MYH9: variants seen among roughly 807,000 people sequenced by gnomAD.
MYH9 encodes the protein myosin heavy chain 9.
A neutral mutation model predicts 241.9 loss-of-function variants in MYH9; 29 were observed. The ratio of observed to expected loss-of-function variants is 0.12; its 90% confidence interval spans 0.09 to 0.16. MYH9 has a LOEUF of 0.16. MYH9 is among the 10% of genes least tolerant of loss of function. The probability of loss-of-function intolerance (pLI) is 1.00; values close to 1 mark genes in which losing one functional copy is unlikely to be tolerated. For synonymous variants in MYH9, 1,047 were observed against 1,062.6 expected (o/e 0.99, Z 0.29); for missense variants, 1,803 against 2,595.5 (o/e 0.69, Z 6.63).
At chr22:36,380,754 GAAAA>G (rs2018245265) in intron 1 of MYH9, among the ~76,000 whole-genome samples, 1 of 151,806 alleles carries the variant, frequency 6.6e-6, no homozygotes, top group African/African-American at 2.4e-5. Context: ...AAAAAGAAAA[GAAAA>G]GAAAAGAAAA....
intron 5 of MYH9, among the ~76,000 whole-genome samples, chr22:36,323,198 G>A (rs1206118151): frequency 6.6e-6 from 1 of 152,176 alleles, no homozygotes; most frequent in Non-Finnish European, 1.5e-5. Context: ...CTTATCCCTG[G>A]ATCCCCACCA....
intron 10 of MYH9, among the ~76,000 whole-genome samples, chr22:36,319,236 G>T (rs1433301363): frequency 6.6e-6 from 1 of 152,158 alleles, no homozygotes; most frequent in Admixed American, 6.5e-5. Flanking sequence ...CACAGGCAAG[G>T]CTCCCATTAA....
At chr22:36,360,038 A>ACCACCACCACCACCACCC (rs2017913903) in intron 1 of MYH9, among the ~76,000 whole-genome samples, 1 of 132,956 alleles carries the variant, frequency 7.5e-6, no homozygotes, top group Non-Finnish European at 1.7e-5. Context: ...AAACACCACC[A>ACCACCACCACCACCACCC]CCACCACCAC....
chr22:36,364,155 A>G (rs965063249), intron 1 of MYH9, among the ~76,000 whole-genome samples: 7 of 152,226 alleles, frequency 4.6e-5, no homozygotes, highest in Non-Finnish European at 8.8e-5. Context: ...AAGGTTGCTC[A>G]GCCTAGAACC....
chr22:36,300,391 A>G lies in MYH9; in HGVS notation c.2839-127T>C. 2 of 1,393,176 alleles carry G rather than the reference A, an allele frequency of 1.4e-6. No homozygotes were observed. The highest frequency in any genetic ancestry group is 2.4e-5 in the South Asian group (2 of 84,820). 86.3% of individuals were successfully genotyped at this position (1,393,176 alleles called of 1,614,324 possible). The stretch of plus-strand genomic sequence containing the variant: ...TAGCAAGGTCTGTGAGCCCAGGGCC[A>G]TGGCTGAGGTGGGGACGGCAAGGTC... On this transcript the variant is annotated intron_variant, in intron 22 of 40. Transcript: ENST00000216181. This position sits in a 1 kb window ranked among gnomAD's most constrained non-coding sequence, Gnocchi z 5.0.
At chr22:36,325,372 C>T (rs533431915) in intron 5 of MYH9, among the ~76,000 whole-genome samples, 1 of 152,226 alleles carries the variant, frequency 6.6e-6, no homozygotes, top group African/African-American at 2.4e-5. Flanking sequence ...GACTCACACC[C>T]CTCCTTACTT....
chr22:36,369,515 A>G (rs976189386), intron 1 of MYH9, among the ~76,000 whole-genome samples: 9 of 152,200 alleles, frequency 5.9e-5, no homozygotes, highest in African/African-American at 2.2e-4. Flanking sequence ...GAGGGAGGAC[A>G]GCAAAAACCC....
chr22:36,384,728 T>C lies in MYH9; in HGVS notation c.-20+3079A>G, dbSNP rs571004439. Among the ~76,000 whole-genome samples the C allele has an allele frequency of 1.7e-3, 254 of 146,846 alleles. 1 individual carries two copies. Among genetic ancestry groups the C allele is most frequent in the Non-Finnish European group, 3.0e-3 (204 of 67,266 alleles). ...CATCTAACCCCACAGGGTAGGATCT[T>C]GATTCCCATATTATACATAAGCACA... On this transcript the variant is annotated intron_variant, in intron 1 of 40. Transcript: ENST00000216181.
Position 36,288,945 on chromosome 22 carries a change from C to A in MYH9, c.4558-6G>T. 6.2e-7 allele frequency: 1 copy of A among 1,613,748 alleles called. No homozygotes were observed. Among genetic ancestry groups the A allele is most frequent in the Non-Finnish European group, 8.5e-7 (1 of 1,180,034 alleles). ...GACTTCTCCAGCTCGTGGACCTGAG[C>A]CCCAGAGAGCCCAAGTCAGGAGCAA... On this transcript the variant is annotated splice_polypyrimidine_tract_variant and splice_region_variant and intron_variant, in intron 32 of 40. Coordinates refer to ENST00000216181, the MANE Select transcript of MYH9 (RefSeq NM_002473.6). This position sits in a 1 kb window ranked among gnomAD's most constrained non-coding sequence, Gnocchi z 4.8.
intron 1 of MYH9, among the ~76,000 whole-genome samples, chr22:36,354,956 AACAC>A (rs136203): frequency 0.022 from 2,742 of 123,666 alleles, 45 homozygotes; most frequent in African/African-American, 0.038. Flanking sequence ...CAAAAAACAA[AACAC>A]ACACACACAC....
intron 23 of MYH9, among the ~76,000 whole-genome samples, chr22:36,299,574 C>T (rs966462888): frequency 2.0e-5 from 3 of 152,172 alleles, no homozygotes; most frequent in Admixed American, 6.5e-5. Context: ...CCCGGGTGGG[C>T]GTCCTGCCAC....
chr22:36,341,895 G>A (rs573917282), intron 2 of MYH9, among the ~76,000 whole-genome samples: 1 of 152,236 alleles, frequency 6.6e-6, no homozygotes, highest in African/African-American at 2.4e-5. Context: ...TCGTGAGAGA[G>A]GCACAAACAG....
In MYH9 at chr22:36,293,915, T is replaced by C. The variant is rs1300189947; in HGVS notation, c.3838-52A>G. ...ACCATGGACCCACCCCCACTGCTCCTGCCCCACCTCATCTCCTTTAGGTAA... is the reference window on the plus strand; with the variant it reads ...ACCATGGACCCACCCCCACTGCTCCCGCCCCACCTCATCTCCTTTAGGTAA... On this transcript the variant is annotated intron_variant, in intron 28 of 40. Transcript: ENST00000216181. This position sits in a 1 kb window ranked among gnomAD's most constrained non-coding sequence, Gnocchi z 5.1. 6.5e-7 allele frequency: 1 copy of C among 1,537,914 alleles called. No homozygotes were observed. Among genetic ancestry groups the C allele is most frequent in the Non-Finnish European group, 8.9e-7 (1 of 1,121,528 alleles).
In MYH9 at chr22:36,292,144, C is replaced by T; in HGVS notation, c.4186G>A (p.Gly1396Ser). The change falls in exon 31 of 41, where the codon GGC becomes AGC. Residue 1396 changes from glycine to serine, a missense_variant. Transcript: ENST00000216181. ...TTCTCCTCGTGCCGCTGGCTCAGGC[C>T]CTCCAGGTCCTTCTGGAGCTTCCTC... ...VKRKLQKDLE[G>S]LSQRHEEKVA... The T allele has an allele frequency of 6.2e-7, 1 of 1,614,212 alleles. No individual in the cohort carries two copies. The highest frequency in any genetic ancestry group is 8.5e-7 in the Non-Finnish European group (1 of 1,180,048).
intron 18 of MYH9, 120 bp from the exon 19 acceptor site, chr22:36,304,275 C>A: frequency 9.2e-7 from 1 of 1,084,808 alleles, no homozygotes; most frequent in Non-Finnish European, 1.4e-6. Flanking sequence ...TGACGAGCAT[C>A]TGGAGAGCAG....
chr22:36,297,063 C>A, intron 24 of MYH9, 49 bp from the exon 25 acceptor site: 6 of 1,595,696 alleles, frequency 3.8e-6, no homozygotes, highest in Non-Finnish European at 5.1e-6. Flanking sequence ...TGGGTTCTGT[C>A]TCCGTGTCAA....
chr22:36,319,754 C>T, intron 9 of MYH9, 119 bp from the exon 10 acceptor site: 3 of 1,001,190 alleles, frequency 3.0e-6, no homozygotes, highest in Admixed American at 2.0e-5. Context: ...CACCCCCCAA[C>T]TCCCTGGGGC....
rs1019674212 is a variant in MYH9 at position 36,382,934 on chromosome 22, A to G, written c.-20+4873T>C. ...AGATACGGCACCTCCTCGGAAATCA[A>G]ACCTGGCCAGGTGCAGTATTTCACA... On this transcript the variant is annotated intron_variant, in intron 1 of 40. Transcript: ENST00000216181. Among the ~76,000 whole-genome samples, 5 of 152,108 alleles carry G rather than the reference A, an allele frequency of 3.3e-5. 1 individual carries two copies. The highest frequency in any genetic ancestry group is 2.4e-5 in the African/African-American group (1 of 41,410).
chr22:36,294,021 C>CA (rs2016748989), intron 28 of MYH9, 71 bp downstream of exon 28: 2 of 1,552,728 alleles, frequency 1.3e-6, no homozygotes, highest in Admixed American at 1.7e-5. Context: ...AGCACACATG[C>CA]ACCTGGGGAC....
Sources: gnomAD v4.1 joint callset for allele counts (sites outside exome capture counted in the v4.1 genomes callset) on GRCh38, gnomAD v4.1.1 for gene constraint, Gnocchi (gnomAD v3.1) non-coding constraint, MANE v1.5 for transcripts, NCBI Gene and HGNC (gene_info 2026-07-23, HGNC 2026-07-21) for gene names.